MSI1: variants seen among roughly 807,000 people sequenced by gnomAD.
MSI1 encodes RNA-binding protein Musashi homolog 1.
Under a neutral mutation model 54.4 loss-of-function variants are expected in MSI1, and 15 were observed. That is an observed-to-expected ratio of 0.28 (90% CI 0.18 to 0.42). The LOEUF (loss-of-function observed/expected upper bound fraction) is 0.42, where lower values mean the gene tolerates loss of function less well. Among genes scored for constraint, MSI1 ranks in the 20% least tolerant of loss-of-function variants. The pLI, the probability that MSI1 is intolerant of heterozygous loss-of-function variation, is 1.00. For synonymous variants in MSI1, 200 were observed against 196.5 expected, an observed-to-expected ratio of 1.02 and a Z score of -0.15; for missense variants, 304 against 506.0, an observed-to-expected ratio of 0.60 and a Z score of 3.83.
intron 14 of MSI1, among the ~76,000 whole-genome samples, chr12:120,343,600 C>G (rs1223307194): frequency 6.6e-6 from 1 of 152,142 alleles, no homozygotes; most frequent in Non-Finnish European, 1.5e-5. Flanking sequence ...TTAAATGTCC[C>G]CTTCTCAGAG....
chr12:120,351,313 C>T, intron 11 of MSI1, 31 bp downstream of exon 11: 1 of 1,602,992 alleles, frequency 6.2e-7, no homozygotes, highest in Non-Finnish European at 8.5e-7. Context: ...CCCATGTGGC[C>T]TGAGAGGTAT....
chr12:120,356,973 C>A lies in MSI1; in HGVS notation c.581G>T (p.Gly194Val). 6.2e-7 allele frequency: 1 copy of A among 1,614,250 alleles called. No individual in the cohort carries two copies. The highest frequency in any genetic ancestry group is 8.5e-7 in the Non-Finnish European group (1 of 1,180,052). Reference sequence around the variant, plus strand: ...GACTCGAGACCTCCCCCGGGCTGAGCCCGTTGGCGACATCACCTCCTTTGG... The same window carrying A: ...GACTCGAGACCTCCCCCGGGCTGAGACCGTTGGCGACATCACCTCCTTTGG... ...AQPKEVMSPT[G>V]SARGRSRVMP... The change falls in exon 9 of 15, where the codon GGC becomes GTC. Residue 194 changes from glycine (G) to valine (V), a missense_variant. Coordinates refer to ENST00000257552, the MANE Select transcript of MSI1 (RefSeq NM_002442.4).
At chr12:120,346,788 G>A (rs547571807) in intron 12 of MSI1, among the ~76,000 whole-genome samples, 2 of 152,280 alleles carry the variant, frequency 1.3e-5, no homozygotes, top group East Asian at 3.9e-4. Flanking sequence ...CCTTCCTCTT[G>A]GAAGCCTTCC....
downstream of MSI1, among the ~76,000 whole-genome samples, chr12:120,340,122 C>T (rs1398542801): frequency 6.7e-6 from 1 of 148,642 alleles, no homozygotes; most frequent in Non-Finnish European, 1.5e-5. Context: ...AGTCTCACTC[C>T]GTCACCCAGG....
rs1873718246 is a variant in MSI1 at position 120,342,184 on chromosome 12, G to A, written c.*943C>T. The A allele has an allele frequency of 6.5e-6, 1 of 152,764 alleles. No individual in the cohort carries two copies. Among genetic ancestry groups the A allele is most frequent in the African/African-American group, 2.4e-5 (1 of 41,450 alleles). 9.5% of individuals were successfully genotyped at this position (152,764 alleles called of 1,614,324 possible). ...AGGGAGCAGGGGAGACCTTTGGAGA[G>A]TTAATTCCTGTCCAGCAGTGTCGCT... On this transcript the variant is annotated 3_prime_UTR_variant, in exon 15 of 15. Coordinates refer to ENST00000257552, the MANE Select transcript of MSI1 (RefSeq NM_002442.4).
chr12:120,356,162 G>C (rs554965645), intron 9 of MSI1, among the ~76,000 whole-genome samples: 87 of 152,254 alleles, frequency 5.7e-4, no homozygotes, highest in Admixed American at 1.4e-3. Flanking sequence ...TAGTGGCAGT[G>C]CCCATTTACT....
At chr12:120,365,230 A>G (rs1404293020) in intron 4 of MSI1, among the ~76,000 whole-genome samples, 1 of 152,122 alleles carries the variant, frequency 6.6e-6, no homozygotes, top group Admixed American at 6.5e-5. Context: ...TTTAGACCCT[A>G]ACGTCCCACT....
chr12:120,366,842 A>G (rs763189033), intron 4 of MSI1, among the ~76,000 whole-genome samples: 1 of 151,908 alleles, frequency 6.6e-6, no homozygotes, highest in Non-Finnish European at 1.5e-5. Flanking sequence ...TCCATCCCCC[A>G]GCCCCTAAAT....
At position 120,366,831 on chromosome 12, in the gene MSI1, C is replaced by T. The variant is rs1592951516; in HGVS notation, c.267+1177G>A. On this transcript the variant is annotated intron_variant, in intron 4 of 14. Transcript: ENST00000257552. ...CTTCCCCTTTATCAATCTTCCACTC[C>T]TCCATCCCCCAGCCCCTAAATCTCA... is the stretch of plus-strand genomic sequence containing the variant. Among the ~76,000 whole-genome samples the T allele has an allele frequency of 5.3e-5, 8 of 152,284 alleles. No homozygotes were observed. In the South Asian group the frequency reaches 1.7e-3, roughly 32 times the overall value.
rs561519709 is a variant in MSI1, at chr12:120,355,128, G to A, written c.653-1749C>T. On this transcript the variant is annotated intron_variant, in intron 9 of 14. Transcript: ENST00000257552. ...TAGATAAAAATATTGTATCAAGGCC[G>A]GGCGCGGTGGCTCACGCCTGTAATC... Among the ~76,000 whole-genome samples, 12 of 151,710 alleles carry A rather than the reference G, an allele frequency of 7.9e-5. No homozygotes were observed. The East Asian group carries it at 2.1e-3, about 27-fold the overall frequency.
chr12:120,362,163 C>T (rs541484884), intron 6 of MSI1, among the ~76,000 whole-genome samples: 1 of 152,030 alleles, frequency 6.6e-6, no homozygotes, highest in Non-Finnish European at 1.5e-5. Flanking sequence ...ACACCTCCCC[C>T]CCCCACACAA....
chr12:120,361,019 T>G (rs1412688630), intron 6 of MSI1, among the ~76,000 whole-genome samples: 1 of 152,058 alleles, frequency 6.6e-6, no homozygotes, highest in East Asian at 1.9e-4. Context: ...ATATAGTAAG[T>G]GCCTAATAAA....
chr12:120,346,391 C>T (rs1288778193), intron 12 of MSI1, 69 bp from the exon 13 acceptor site: 3 of 1,401,970 alleles, frequency 2.1e-6, no homozygotes, highest in South Asian at 1.6e-5. Flanking sequence ...CCCCTCAAGC[C>T]TGTCCCACCC....
intron 9 of MSI1, among the ~76,000 whole-genome samples, chr12:120,355,846 C>T (rs1165731205): frequency 6.6e-6 from 1 of 151,830 alleles, no homozygotes; most frequent in East Asian, 1.9e-4. Flanking sequence ...CGACTTCTGA[C>T]CCTCTAGCCC....
Position 120,353,336 on chromosome 12 carries a change from A to G in MSI1, c.696T>C (p.Tyr232=). The change falls in exon 10 of 15, where the codon TAT becomes TAC. Residue 232 remains tyrosine, a synonymous_variant. Coordinates refer to ENST00000257552, the MANE Select transcript of MSI1 (RefSeq NM_002442.4). The stretch of plus-strand genomic sequence containing the variant: ...AGGTGTAGCCAGGGGCGAGGCCTGT[A>G]TAACTCCGGCTGGCGTAGGTTGTGG... ...FQATTYASRS[Y]TGLAPGYTYQ... The G allele has an allele frequency of 6.2e-7, 1 of 1,614,122 alleles. No homozygotes were observed. Among genetic ancestry groups the G allele is most frequent in the Non-Finnish European group, 8.5e-7 (1 of 1,180,000 alleles).
downstream of MSI1, among the ~76,000 whole-genome samples, chr12:120,340,950 A>ATC (rs1478876285): frequency 7.2e-6 from 1 of 138,112 alleles, no homozygotes; most frequent in Non-Finnish European, 1.5e-5. Context: ...CGGTGGCATG[A>ATC]TCTCAGCTCA....
downstream of MSI1, among the ~76,000 whole-genome samples, chr12:120,339,696 C>T (rs1873604227): frequency 6.6e-6 from 1 of 152,076 alleles, no homozygotes; most frequent in Non-Finnish European, 1.5e-5. Flanking sequence ...GACCCCCAAC[C>T]TGTACTGGAA....
Position 120,368,961 on chromosome 12 carries a change from G to A in MSI1, c.59+72C>T. 4 of 1,179,338 alleles carry A rather than the reference G, an allele frequency of 3.4e-6. No homozygotes were observed. Among genetic ancestry groups the A allele is most frequent in the Non-Finnish European group, 4.2e-6 (4 of 948,978 alleles). 73.1% of individuals were successfully genotyped at this position (1,179,338 alleles called of 1,614,324 possible). A position where few individuals can be genotyped will look rare whatever the true frequency, so the allele number is the denominator to read the frequency against. On this transcript the variant is annotated intron_variant, in intron 1 of 14. Transcript: ENST00000257552. The surrounding 1 kb of genome is among the most constrained non-coding windows in gnomAD (Gnocchi z 6.6). ...GCGGGCCCGGGCTCCGGGGAGGCCCGGCCGGACCCGGATCGGCCATGTTGG... is the reference window on the plus strand; with the variant it reads ...GCGGGCCCGGGCTCCGGGGAGGCCCAGCCGGACCCGGATCGGCCATGTTGG...
At chr12:120,365,871 C>G (rs1361197674) in intron 4 of MSI1, among the ~76,000 whole-genome samples, 1 of 152,186 alleles carries the variant, frequency 6.6e-6, no homozygotes, top group Non-Finnish European at 1.5e-5. Flanking sequence ...CAATCACACC[C>G]GCTTTTCCCA....
Sources: gnomAD v4.1 joint callset for allele counts (sites outside exome capture counted in the v4.1 genomes callset) on GRCh38, gnomAD v4.1.1 for gene constraint, Gnocchi (gnomAD v3.1) non-coding constraint, MANE v1.5 for transcripts, NCBI Gene and HGNC (gene_info 2026-07-23, HGNC 2026-07-21) for gene names.